The following SH3RF3 variants were observed in gnomAD, a reference collection of about 807,000 sequenced individuals.
The protein encoded by SH3RF3 is SH3 domain containing ring finger 3, also known as E3 ubiquitin-protein ligase SH3RF3.
Under a neutral mutation model 66.3 loss-of-function variants are expected in SH3RF3, and 29 were observed. The ratio of observed to expected loss-of-function variants is 0.44; its 90% CI spans 0.33 to 0.60. The LOEUF (loss-of-function observed/expected upper bound fraction) is 0.60, where lower values mean the gene tolerates loss of function less well. Among genes scored for constraint, SH3RF3 ranks in the 20% least tolerant of loss-of-function variants. SH3RF3 has a pLI of 0.04. For missense variants in SH3RF3, 1,194 were observed against 1,190.9 expected (o/e 1.00, Z -0.04); for synonymous variants, 583 against 532.0 (o/e 1.10, Z -1.32).
intron 2 of SH3RF3, among the ~76,000 whole-genome samples, chr2:109,361,079 T>C (rs62152245): frequency 0.028 from 4,245 of 152,344 alleles, 88 homozygotes; most frequent in Non-Finnish European, 0.043. Flanking sequence ...TTTACTGATA[T>C]GAGCATGTGA....
At chr2:109,433,915 G>A (rs905678793) in intron 6 of SH3RF3, among the ~76,000 whole-genome samples, 17 of 152,356 alleles carry the variant, frequency 1.1e-4, no homozygotes, top group African/African-American at 4.1e-4. Context: ...TGGTCAGAGG[G>A]GTGGCTACTT....
At chr2:109,355,255 G>C (rs1275595913) in intron 2 of SH3RF3, among the ~76,000 whole-genome samples, 1 of 152,206 alleles carries the variant, frequency 6.6e-6, no homozygotes, top group African/African-American at 2.4e-5. Flanking sequence ...TTATGTTGTG[G>C]AAACAAGTTT....
Position 109,129,958 on chromosome 2 carries a change from A to C in SH3RF3, c.418A>C (p.Ile140Leu), listed in dbSNP as rs1398611049. 1 of 1,424,364 alleles carries C rather than the reference A, an allele frequency of 7.0e-7. No individual in the cohort carries two copies. Among genetic ancestry groups the C allele is most frequent in the Admixed American group, 2.9e-5 (1 of 34,556 alleles). The allele number at this position is 1,424,364 out of a possible 1,614,324, so 88.2% of individuals were successfully genotyped here. A position where few individuals can be genotyped will look rare whatever the true frequency, so the allele number is the denominator to read the frequency against. ...CGGCGGCAGCCCGCCCGCGCGTCCC[A>C]TCCCAGGCCAGAGTGCGGCCCCCAC... is the stretch of plus-strand genomic sequence containing the variant. ...SPGGSPPARP[I>L]PGQSAAPTLA... The change falls in exon 1 of 10, where the codon ATC (isoleucine) becomes CTC (leucine). Residue 140 changes from isoleucine to leucine, a missense_variant. Physicochemically the swap from Ile to Leu is conservative, Grantham distance 5. Coordinates refer to ENST00000309415, the MANE Select transcript of SH3RF3 (RefSeq NM_001099289.3).
intron 9 of SH3RF3, among the ~76,000 whole-genome samples, chr2:109,491,363 G>A (rs1421091767): frequency 6.6e-6 from 1 of 152,148 alleles, no homozygotes; most frequent in Non-Finnish European, 1.5e-5. Context: ...AACCCACTCG[G>A]CGTCTTAGAA....
chr2:109,215,505 A>G (rs994655481), intron 1 of SH3RF3, among the ~76,000 whole-genome samples: 1 of 152,008 alleles, frequency 6.6e-6, no homozygotes, highest in African/African-American at 2.4e-5. Context: ...TGATTTCAGC[A>G]GTGTGTACTC....
chr2:109,352,455 G>A (rs1222125995), intron 2 of SH3RF3, among the ~76,000 whole-genome samples: 1 of 152,212 alleles, frequency 6.6e-6, no homozygotes, highest in Non-Finnish European at 1.5e-5. Context: ...CACCAGCAGA[G>A]CCAGGCGATG....
chr2:109,376,219 G>A (rs1430035371), intron 3 of SH3RF3, among the ~76,000 whole-genome samples: 2 of 152,260 alleles, frequency 1.3e-5, no homozygotes, highest in Non-Finnish European at 2.9e-5. Context: ...AGCTGAATGG[G>A]TTTGAAGGCA....
chr2:109,142,408 A>C (rs1676979635), intron 1 of SH3RF3, among the ~76,000 whole-genome samples: 1 of 152,204 alleles, frequency 6.6e-6, no homozygotes, highest in Admixed American at 6.5e-5. Context: ...GGTTAGCTCC[A>C]CAAACTTGGA....
chr2:109,312,751 AT>A (rs1681760356), intron 1 of SH3RF3, among the ~76,000 whole-genome samples: 1 of 152,180 alleles, frequency 6.6e-6, no homozygotes, highest in South Asian at 2.1e-4. Flanking sequence ...GTATTTCCAC[AT>A]TTTGTTTATC....
intron 1 of SH3RF3, among the ~76,000 whole-genome samples, chr2:109,178,483 T>C (rs1677983091): frequency 1.3e-5 from 2 of 152,208 alleles, no homozygotes; most frequent in African/African-American, 4.8e-5. Flanking sequence ...TATACTTGGA[T>C]AGTTTATATT....
At chr2:109,251,419 A>G (rs968463613) in intron 1 of SH3RF3, 2 of 704,738 alleles carry the variant, frequency 2.8e-6, no homozygotes, top group Non-Finnish European at 5.4e-6. Context: ...TGGAGTAGAC[A>G]CCATGAGCAA....
intron 1 of SH3RF3, among the ~76,000 whole-genome samples, chr2:109,165,195 G>T (rs921777087): frequency 3.8e-5 from 2 of 53,322 alleles, no homozygotes; most frequent in African/African-American, 1.1e-4. Context: ...ACCCTCAAAA[G>T]CTGAGGGAAG....
intron 1 of SH3RF3, among the ~76,000 whole-genome samples, chr2:109,299,189 C>T (rs1345335420): frequency 2.0e-5 from 3 of 152,354 alleles, no homozygotes; most frequent in Non-Finnish European, 2.9e-5. Flanking sequence ...TCTGACCACT[C>T]CAGTTAAAAC....
intron 8 of SH3RF3, among the ~76,000 whole-genome samples, chr2:109,471,074 G>A (rs1678490098): frequency 6.6e-6 from 1 of 151,982 alleles, no homozygotes; most frequent in Non-Finnish European, 1.5e-5. Flanking sequence ...ACAAAAATTA[G>A]TTGGGTGTGT....
intron 8 of SH3RF3, among the ~76,000 whole-genome samples, chr2:109,489,675 T>A (rs1679076069): frequency 6.8e-6 from 1 of 148,060 alleles, no homozygotes; most frequent in Non-Finnish European, 1.5e-5. Context: ...CGGGGCCTAT[T>A]TTGGACATTT....
intron 1 of SH3RF3, among the ~76,000 whole-genome samples, chr2:109,168,286 A>G (rs1178719610): frequency 1.3e-5 from 2 of 152,190 alleles, no homozygotes; most frequent in African/African-American, 4.8e-5. Flanking sequence ...GGGAAATGAC[A>G]TTCCTGTTCT....
intron 3 of SH3RF3, among the ~76,000 whole-genome samples, chr2:109,387,125 G>A (rs1675842771): frequency 6.6e-6 from 1 of 152,118 alleles, no homozygotes; most frequent in Admixed American, 6.5e-5. Context: ...ATATTGTTCT[G>A]TTTCTTTTAT....
intron 1 of SH3RF3, among the ~76,000 whole-genome samples, chr2:109,172,982 C>T (rs778179139): frequency 1.4e-4 from 21 of 152,206 alleles, no homozygotes; most frequent in African/African-American, 4.3e-4. Flanking sequence ...TATGACCTTG[C>T]GCTTGTCTTC....
chr2:109,449,052 C>G, intron 7 of SH3RF3, 118 bp from the exon 8 acceptor site: 1 of 1,246,648 alleles, frequency 8.0e-7, no homozygotes, highest in Non-Finnish European at 1.1e-6. Context: ...GGAGAAACTT[C>G]AGAGAGAGGC....
Sources: allele counts gnomAD v4.1 joint callset (sites outside exome capture counted in the v4.1 genomes callset), GRCh38; gene constraint gnomAD v4.1.1; transcripts MANE v1.5; gene names NCBI Gene and HGNC (gene_info 2026-07-23, HGNC 2026-07-21).